OR2A12: variants seen among roughly 807,000 people sequenced by gnomAD.
OR2A12 encodes olfactory receptor 2A12.
For missense variants in OR2A12, 380 were observed against 372.5 expected, an observed-to-expected ratio of 1.02 and a Z score of -0.17; for synonymous variants, 153 against 149.3, an observed-to-expected ratio of 1.02 and a Z score of -0.18.
In OR2A12 at chr7:144,097,373, T is replaced by C. The variant is rs1184411538; in HGVS notation, c.*1333T>C. 2 of 152,088 alleles carry C rather than the reference T, an allele frequency of 1.3e-5. No individual in the cohort carries two copies. The highest frequency in any genetic ancestry group is 3.9e-4 in the East Asian group (2 of 5,190). 9.4% of individuals were successfully genotyped at this position (152,088 alleles called of 1,614,324 possible). A position where few individuals can be genotyped will look rare whatever the true frequency, so the allele number is the denominator to read the frequency against. Reference sequence around the variant, plus strand: ...CTATGGTAAATAAATAGATACACAATGTGTGGTATGCCAAGTTCTTGGACT... The same window carrying C: ...CTATGGTAAATAAATAGATACACAACGTGTGGTATGCCAAGTTCTTGGACT... On this transcript the variant is annotated 3_prime_UTR_variant, in exon 2 of 2. Coordinates refer to ENST00000641592, the MANE Select transcript of OR2A12 (RefSeq NM_001004135.2).
chr7:144,093,805 A>G (rs1262391150), intron 1 of OR2A12, among the ~76,000 whole-genome samples: 1 of 151,324 alleles, frequency 6.6e-6, no homozygotes, highest in African/African-American at 2.4e-5. Flanking sequence ...AAGGACATGA[A>G]CTCATCATTT....
At position 144,096,105 on chromosome 7, in the gene OR2A12, CTTT is replaced by C; in HGVS notation, c.*68_*70del. 1 of 1,141,728 alleles carries C rather than the reference CTTT, an allele frequency of 8.8e-7. No individual in the cohort carries two copies. The highest frequency in any genetic ancestry group is 1.3e-6 in the Non-Finnish European group (1 of 792,676). The allele number at this position is 1,141,728 out of a possible 1,614,324, so 70.7% of individuals were successfully genotyped here. ...TCATGACCCTGGGTCCTGAAATTTC[CTTT>C]TTAATTCTTTAATTTACCACACCCA... On this transcript the variant is annotated 3_prime_UTR_variant, in exon 2 of 2. Transcript: ENST00000641592.
chr7:144,095,752 C>A lies in OR2A12; in HGVS notation c.645C>A (p.Val215=). 1.2e-6 allele frequency: 2 copies of A among 1,614,120 alleles called. No homozygotes were observed. The highest frequency in any genetic ancestry group is 2.7e-5 in the African/African-American group (2 of 75,026). ...TGGGGCCGCTCTGCCTGGTGCTGGT[C>A]TCCTACTTGCACATCCTGGTGGCCA... The part of the protein sequence containing the change: ...ILVGPLCLVL[V]SYLHILVAIL... Residue 215 remains valine, a synonymous_variant, in exon 2 of 2, where the codon GTC becomes GTA. Coordinates refer to ENST00000641592, the MANE Select transcript of OR2A12 (RefSeq NM_001004135.2).
At chr7:144,088,442 C>T (rs1055609823) in intron 1 of OR2A12, among the ~76,000 whole-genome samples, 4 of 152,184 alleles carry the variant, frequency 2.6e-5, no homozygotes, top group Admixed American at 2.0e-4. Flanking sequence ...TTCTTCCATT[C>T]ATTCTTCTTT....
Position 144,095,855 on chromosome 7 carries a change from T to C in OR2A12, c.748T>C (p.Phe250Leu). 1.2e-6 allele frequency: 2 copies of C among 1,614,146 alleles called. No homozygotes were observed. The highest frequency in any genetic ancestry group is 1.7e-6 in the Non-Finnish European group (2 of 1,180,024). ...CSSHLCVVGL[F>L]FGSAIVMYMA... ...CTCCCACCTCTGCGTGGTGGGGCTT[T>C]TCTTTGGCAGCGCCATTGTCATGTA... is the stretch of plus-strand genomic sequence containing the variant. The change falls in exon 2 of 2, where the codon TTC (phenylalanine) becomes CTC (leucine). Residue 250 changes from phenylalanine to leucine, a missense_variant. Coordinates refer to ENST00000641592, the MANE Select transcript of OR2A12 (RefSeq NM_001004135.2).
intron 1 of OR2A12, among the ~76,000 whole-genome samples, chr7:144,092,648 G>T (rs1023217226): frequency 6.6e-6 from 1 of 151,924 alleles, no homozygotes; most frequent in Admixed American, 6.6e-5. Context: ...GACTGTTGTT[G>T]GTGTATAGAA....
In OR2A12 at chr7:144,086,317, T is replaced by C. The variant is rs2051185893; in HGVS notation, c.-278T>C. 6.6e-6 allele frequency: 1 copy of C among 152,424 alleles called. No homozygotes were observed. The highest frequency in any genetic ancestry group is 1.5e-5 in the Non-Finnish European group (1 of 68,072). 9.4% of individuals were successfully genotyped at this position (152,424 alleles called of 1,614,324 possible). On this transcript the variant is annotated 5_prime_UTR_variant, in exon 1 of 2. Transcript: ENST00000641592. Reference sequence around the variant, plus strand: ...TCCTGGGTAGGAACAACCTTGCCATTCTTCCTGAGTTCTCACTTCTTTGCA... The same window carrying C: ...TCCTGGGTAGGAACAACCTTGCCATCCTTCCTGAGTTCTCACTTCTTTGCA...
rs1182892384 is a variant in OR2A12 at position 144,095,436 on chromosome 7, A to C, written c.329A>C (p.Glu110Ala). Residue 110 changes from glutamate (E) to alanine (A), a missense_variant, in exon 2 of 2, where the codon GAG becomes GCG. Transcript: ENST00000641592. ...TFLYLAFAITECLILVMMCYD... is the reference protein window; with the variant it reads ...TFLYLAFAITACLILVMMCYD... ...TTGTATTTGGCGTTTGCTATTACAGAGTGTCTGATTTTGGTGATGATGTGC... is the reference window on the plus strand; with the variant it reads ...TTGTATTTGGCGTTTGCTATTACAGCGTGTCTGATTTTGGTGATGATGTGC... 1 of 1,613,756 alleles carries C rather than the reference A, an allele frequency of 6.2e-7. No individual in the cohort carries two copies. Among genetic ancestry groups the C allele is most frequent in the East Asian group, 2.2e-5 (1 of 44,880 alleles).
intron 1 of OR2A12, among the ~76,000 whole-genome samples, chr7:144,093,640 G>C (rs13232343): frequency 9.0e-4 from 91 of 101,646 alleles, no homozygotes; most frequent in African/African-American, 1.8e-3. Context: ...CCCCCACCCC[G>C]CAACAGGCCC....
Position 144,093,234 on chromosome 7 carries a change from A to C in OR2A12, c.-51-1823A>C, listed in dbSNP as rs182004907. Among the ~76,000 whole-genome samples the C allele has an allele frequency of 3.9e-3, 600 of 152,142 alleles. 2 individuals are homozygous for C. Among genetic ancestry groups the C allele is most frequent in the Non-Finnish European group, 5.6e-3 (379 of 67,978 alleles). ...TTCAATTCTCGAACATTTTTGGTGA[A>C]ATCTCTTCAAATATTGTTTCTTCCC... is the stretch of plus-strand genomic sequence containing the variant. On this transcript the variant is annotated intron_variant, in intron 1 of 1. Coordinates refer to ENST00000641592, the MANE Select transcript of OR2A12 (RefSeq NM_001004135.2).
chr7:144,088,150 T>C (rs2051200142), intron 1 of OR2A12, among the ~76,000 whole-genome samples: 1 of 152,186 alleles, frequency 6.6e-6, no homozygotes, highest in Non-Finnish European at 1.5e-5. Flanking sequence ...TAGCTGGGAC[T>C]ACAGATGCCC....
intron 1 of OR2A12, among the ~76,000 whole-genome samples, chr7:144,092,009 A>G (rs2051230650): frequency 1.3e-5 from 2 of 152,140 alleles, no homozygotes; most frequent in South Asian, 4.1e-4. Context: ...TCTTTAATCC[A>G]TCGTGAGTTG....
rs780817165 is a variant in OR2A12, at chr7:144,095,580, A to C, written c.473A>C (p.His158Pro). 13 of 1,614,078 alleles carry C rather than the reference A, an allele frequency of 8.1e-6. No individual in the cohort carries two copies. The highest frequency in any genetic ancestry group is 1.1e-5 in the South Asian group (1 of 91,082). ...WIFSFLLALV[H>P]ITLILRLPFC... ...TTTAGCTTTCTCTTGGCTCTGGTCCATATTACTCTTATTCTGAGGCTGCCT... is the reference window on the plus strand; with the variant it reads ...TTTAGCTTTCTCTTGGCTCTGGTCCCTATTACTCTTATTCTGAGGCTGCCT... The change falls in exon 2 of 2, where the codon CAT becomes CCT. Residue 158 changes from histidine (H) to proline (P), a missense_variant. By Grantham distance (77) the His-to-Pro change is moderately conservative. Coordinates refer to ENST00000641592, the MANE Select transcript of OR2A12 (RefSeq NM_001004135.2).
At chr7:144,088,814 T>G (rs781296021) in intron 1 of OR2A12, among the ~76,000 whole-genome samples, 1 of 152,238 alleles carries the variant, frequency 6.6e-6, no homozygotes, top group South Asian at 2.1e-4. Flanking sequence ...TTAATTCTTA[T>G]GCTTCTTACT....
At chr7:144,093,287 A>G (rs558260591) in intron 1 of OR2A12, among the ~76,000 whole-genome samples, 21 of 152,178 alleles carry the variant, frequency 1.4e-4, no homozygotes, top group African/African-American at 4.3e-4. Flanking sequence ...TGCTTAGGAA[A>G]CTATCACATC....
At position 144,095,469 on chromosome 7, in the gene OR2A12, G is replaced by A. The variant is rs752325356; in HGVS notation, c.362G>A (p.Arg121Gln). The A allele has an allele frequency of 1.1e-5, 18 of 1,613,590 alleles. No homozygotes were observed. Among genetic ancestry groups the A allele is most frequent in the Admixed American group, 6.7e-5 (4 of 59,992 alleles). Reference protein sequence around the residue: ...CLILVMMCYDRYVAICHPLQY... With the variant: ...CLILVMMCYDQYVAICHPLQY... ...ATTTTGGTGATGATGTGCTATGATC[G>A]GTATGTGGCAATCTGTCACCCCTTG... Residue 121 changes from arginine (R) to glutamine (Q), a missense_variant, in exon 2 of 2, where the codon CGG becomes CAG. Physicochemically the swap from Arg to Gln is conservative, Grantham distance 43. Coordinates refer to ENST00000641592, the MANE Select transcript of OR2A12 (RefSeq NM_001004135.2).
At chr7:144,091,860 C>T (rs2051229920) in intron 1 of OR2A12, among the ~76,000 whole-genome samples, 1 of 152,064 alleles carries the variant, frequency 6.6e-6, no homozygotes, top group Non-Finnish European at 1.5e-5. Context: ...TTAATTGGAT[C>T]CCATTTGTCA....
intron 1 of OR2A12, among the ~76,000 whole-genome samples, chr7:144,091,692 T>G (rs1209049158): frequency 2.0e-5 from 3 of 152,012 alleles, no homozygotes; most frequent in Non-Finnish European, 4.4e-5. Context: ...ATTTGCTTAC[T>G]TTTTAATGGG....
intron 1 of OR2A12, 99 bp from the exon 2 acceptor site, chr7:144,094,958 T>C (rs2128803021): frequency 1.7e-6 from 1 of 571,428 alleles, no homozygotes; most frequent in East Asian, 2.8e-5. Flanking sequence ...GTCAACATCA[T>C]AGGACTTTGG....
Sources: allele counts gnomAD v4.1 joint callset (sites outside exome capture counted in the v4.1 genomes callset), GRCh38; gene constraint gnomAD v4.1.1; transcripts MANE v1.5; gene names NCBI Gene and HGNC (gene_info 2026-07-23, HGNC 2026-07-21).